The following SPATA9 variants were observed in gnomAD, a reference collection of about 807,000 sequenced individuals.
SPATA9 encodes the protein spermatogenesis associated 9.
SPATA9 carries 27 observed loss-of-function variants against 25.5 expected under a neutral mutation model. The ratio of observed to expected loss-of-function variants is 1.06; its 90% CI spans 0.78 to 1.46. SPATA9 has a LOEUF of 1.46. SPATA9 is among the 40% of genes most tolerant of loss of function. The pLI, the probability that SPATA9 is intolerant of heterozygous loss-of-function variation, is 0.00. For missense variants in SPATA9, 282 were observed against 297.5 expected, an observed-to-expected ratio of 0.95 and a Z score of 0.38; for synonymous variants, 102 against 105.7, an observed-to-expected ratio of 0.97 and a Z score of 0.21.
At chr5:95,723,170 T>C in the SPATA9 span, among the ~76,000 whole-genome samples, 27 of 151,746 alleles carry the variant, frequency 1.8e-4, 1 homozygote, top group Middle Eastern at 0.014. Flanking sequence ...ACACCAACGA[T>C]AGCTGATGAA....
the SPATA9 span, among the ~76,000 whole-genome samples, chr5:95,728,255 CTT>C: frequency 1.3e-5 from 2 of 152,172 alleles, no homozygotes; most frequent in African/African-American, 4.8e-5. Flanking sequence ...CTCCACCACT[CTT>C]TTTTCTGCCT....
intron 2 of SPATA9, among the ~76,000 whole-genome samples, chr5:95,678,112 C>T (rs7446092): frequency 0.14 from 20,731 of 152,220 alleles, 1,517 homozygotes; most frequent in Middle Eastern, 0.23. Context: ...CACCATGGCT[C>T]ACACCTGTAA....
At chr5:95,731,608 G>A in the SPATA9 span, 14 of 1,597,076 alleles carry the variant, frequency 8.8e-6, no homozygotes, top group African/African-American at 1.3e-5. Context: ...GGGTGAACTC[G>A]CCGCCCGGGG....
upstream of SPATA9, among the ~76,000 whole-genome samples, chr5:95,686,889 C>T (rs986755134): frequency 6.6e-6 from 1 of 152,176 alleles, no homozygotes; most frequent in Non-Finnish European, 1.5e-5. Context: ...CTTAAGTAGT[C>T]TTCCTAAACT....
At position 95,682,882 on chromosome 5, in the gene SPATA9, C is replaced by G. The variant is rs970777292; in HGVS notation, c.-28G>C. 2.0e-6 allele frequency: 3 copies of G among 1,493,658 alleles called. No individual in the cohort carries two copies. The Admixed American group carries it at 7.2e-5, about 36-fold the overall frequency. The allele number at this position is 1,493,658 out of a possible 1,614,324, so 92.5% of individuals were successfully genotyped here. A position where few individuals can be genotyped will look rare whatever the true frequency, so the allele number is the denominator to read the frequency against. On this transcript the variant is annotated 5_prime_UTR_variant, in exon 1 of 5. Transcript: ENST00000274432. ...TGAGTTCTTGCTTGGGTTCCTAGTC[C>G]TTAACAAGCTTGCAGGCCTGGGTAA...
At chr5:95,654,091 T>G, downstream of SPATA9, 2 of 1,611,540 alleles carry the variant, frequency 1.2e-6, no homozygotes, top group Non-Finnish European at 1.7e-6. Context: ...CACAAGATCC[T>G]GAAAAGAGGG....
At chr5:95,704,712 A>G in the SPATA9 span, among the ~76,000 whole-genome samples, 1 of 152,162 alleles carries the variant, frequency 6.6e-6, no homozygotes, top group African/African-American at 2.4e-5. Context: ...TGGGTAATTT[A>G]TAAAGAACAG....
downstream of SPATA9, among the ~76,000 whole-genome samples, chr5:95,653,716 CAG>C (rs1457630529): frequency 1.3e-4 from 20 of 152,214 alleles, no homozygotes; most frequent in Admixed American, 4.6e-4. Flanking sequence ...CTGGCCAACA[CAG>C]AGAAACCTGT....
the SPATA9 span, chr5:95,731,393 C>T: frequency 8.5e-7 from 1 of 1,174,628 alleles, no homozygotes; most frequent in Non-Finnish European, 1.0e-6. Context: ...CTGCGGTCAG[C>T]TGCGTCCACT....
the SPATA9 span, among the ~76,000 whole-genome samples, chr5:95,715,989 A>G: frequency 5.0e-4 from 76 of 152,374 alleles, no homozygotes; most frequent in African/African-American, 1.7e-3. Context: ...AGGAAATGCA[A>G]ATGAAAATCA....
chr5:95,697,297 C>T lies in SPATA9; in HGVS notation n.124+1291G>A, dbSNP rs183039296. ...GAAGATCTACTCCCAAGTTCACTCC[C>T]GTGGTTGCTGGGAACCCTCAGTTCC... On this transcript the variant is annotated intron_variant and non_coding_transcript_variant, in intron 1 of 2. Transcript: ENST00000379990. Among the ~76,000 whole-genome samples, 210 of 152,276 alleles carry T rather than the reference C, an allele frequency of 1.4e-3. 3 individuals are homozygous for T. Among genetic ancestry groups the T allele is most frequent in the Middle Eastern group, 0.01 (3 of 294 alleles).
At chr5:95,693,424 T>A (rs1196449666) in intron 1 of SPATA9, among the ~76,000 whole-genome samples, 1 of 152,206 alleles carries the variant, frequency 6.6e-6, no homozygotes, top group Non-Finnish European at 1.5e-5. Flanking sequence ...TGCAACATAA[T>A]GAATAAATTT....
chr5:95,685,766 TA>T (rs1185324565), upstream of SPATA9, among the ~76,000 whole-genome samples: 3 of 152,252 alleles, frequency 2.0e-5, no homozygotes, highest in African/African-American at 7.2e-5. Context: ...GAACACAATC[TA>T]AAAGTATCAA....
intron 2 of SPATA9, 108 bp downstream of exon 2, chr5:95,682,420 C>A: frequency 1.2e-6 from 1 of 802,192 alleles, no homozygotes; most frequent in Non-Finnish European, 1.9e-6. Context: ...TTAGTGTTTT[C>A]TAAAGTTTTG....
At chr5:95,726,841 C>T in the SPATA9 span, among the ~76,000 whole-genome samples, 2 of 152,230 alleles carry the variant, frequency 1.3e-5, no homozygotes, top group African/African-American at 4.8e-5. Context: ...CGCTGCCCCT[C>T]ACTGTGTATC....
chr5:95,720,872 C>T, the SPATA9 span, among the ~76,000 whole-genome samples: 1 of 152,132 alleles, frequency 6.6e-6, no homozygotes, highest in African/African-American at 2.4e-5. Flanking sequence ...AAGAACTGTG[C>T]ACTAACTTGT....
chr5:95,666,269 G>C (rs924380720), intron 3 of SPATA9, among the ~76,000 whole-genome samples: 1 of 152,178 alleles, frequency 6.6e-6, no homozygotes, highest in African/African-American at 2.4e-5. Context: ...AAGCTACGCT[G>C]CCTTGGGATA....
chr5:95,656,319 T>C, downstream of SPATA9: 1 of 1,587,566 alleles, frequency 6.3e-7, no homozygotes, highest in Non-Finnish European at 8.6e-7. Flanking sequence ...ATAAAAAATA[T>C]ATAGAAATGA....
the SPATA9 span, chr5:95,730,746 A>G: frequency 3.1e-6 from 1 of 324,678 alleles, no homozygotes. Flanking sequence ...ATAGTAAATA[A>G]TCCCCCCAAG....
Sources: gnomAD v4.1 joint callset for allele counts (sites outside exome capture counted in the v4.1 genomes callset) on GRCh38, gnomAD v4.1.1 for gene constraint, MANE v1.5 for transcripts, NCBI Gene and HGNC (gene_info 2026-07-23, HGNC 2026-07-21) for gene names.